The following ZNF407 variants were observed in gnomAD, a reference collection of about 807,000 sequenced individuals.
ZNF407 encodes the protein zinc finger protein 407.
ZNF407 carries 17 observed loss-of-function variants against 131.2 expected under a neutral mutation model. That is an observed-to-expected ratio of 0.13 (90% CI 0.09 to 0.19). The LOEUF is 0.19. Ranked by LOEUF, ZNF407 falls within the 10% of genes least tolerant of loss-of-function variation. The probability of loss-of-function intolerance (pLI) is 1.00; values close to 1 mark genes in which losing one functional copy is unlikely to be tolerated. For synonymous variants in ZNF407, 1,156 were observed against 1,062.0 expected (o/e 1.09, Z -1.72); for missense variants, 2,681 against 2,830.6 (o/e 0.95, Z 1.20).
At chr18:74,809,428 G>A (rs1277992187) in intron 4 of ZNF407, among the ~76,000 whole-genome samples, 1 of 152,208 alleles carries the variant, frequency 6.6e-6, no homozygotes, top group Non-Finnish European at 1.5e-5. Flanking sequence ...CTAGGAAAGT[G>A]CATAGTGAAA....
chr18:74,973,565 A>G (rs1972496239), intron 8 of ZNF407, among the ~76,000 whole-genome samples: 1 of 152,222 alleles, frequency 6.6e-6, no homozygotes, highest in Non-Finnish European at 1.5e-5. Context: ...TTTTATAATT[A>G]TTACATATGG....
Position 74,657,813 on chromosome 18 carries a change from G to A in ZNF407, c.4802+16691G>A, listed in dbSNP as rs1454683651. 2.0e-5 allele frequency among the ~76,000 whole-genome samples: 3 copies of A among 152,132 alleles called. No homozygotes were observed. In the East Asian group the frequency reaches 5.8e-4, roughly 29 times the overall value. On this transcript the variant is annotated intron_variant, in intron 3 of 8. Transcript: ENST00000299687. ...TGCTGCTGCTTGCGTGACCACGAGG[G>A]GGAGTCAGGGAGTGTCCCTGGAATT...
At chr18:74,694,297 CGT>C (rs1967300499) in intron 3 of ZNF407, among the ~76,000 whole-genome samples, 1 of 152,104 alleles carries the variant, frequency 6.6e-6, no homozygotes, top group Admixed American at 6.5e-5. Context: ...GTGACCGTTT[CGT>C]GTCTCTTCCG....
intron 8 of ZNF407, among the ~76,000 whole-genome samples, chr18:74,972,864 A>G (rs1435532113): frequency 6.6e-6 from 1 of 152,208 alleles, no homozygotes; most frequent in Non-Finnish European, 1.5e-5. Flanking sequence ...TCTGTGCAGT[A>G]TATAATTGGT....
intron 8 of ZNF407, among the ~76,000 whole-genome samples, chr18:75,053,747 G>A (rs986497875): frequency 1.3e-5 from 2 of 152,188 alleles, no homozygotes; most frequent in Non-Finnish European, 2.9e-5. Flanking sequence ...CCGCCCACTC[G>A]GTCCTGCCGT....
intron 8 of ZNF407, among the ~76,000 whole-genome samples, chr18:74,974,631 GA>G (rs953334714): frequency 1.3e-5 from 2 of 152,194 alleles, no homozygotes; most frequent in African/African-American, 4.8e-5. Flanking sequence ...TACCAATGAT[GA>G]AGTAGATTAT....
intron 8 of ZNF407, among the ~76,000 whole-genome samples, chr18:74,929,957 A>G (rs570173652): frequency 1.4e-4 from 21 of 152,206 alleles, no homozygotes; most frequent in Non-Finnish European, 2.6e-4. Context: ...CCTTCACCCA[A>G]CTTTCCCAAA....
intron 1 of ZNF407, among the ~76,000 whole-genome samples, chr18:74,630,015 A>G (rs1230245203): frequency 6.6e-6 from 1 of 152,184 alleles, no homozygotes; most frequent in African/African-American, 2.4e-5. Flanking sequence ...TTAATGATTG[A>G]CAGCTGGACT....
intron 4 of ZNF407, among the ~76,000 whole-genome samples, chr18:74,796,518 C>T (rs940162334): frequency 4.6e-5 from 7 of 152,126 alleles, no homozygotes; most frequent in African/African-American, 1.7e-4. Flanking sequence ...ATAGTAATGT[C>T]GAAGGACGCA....
chr18:74,603,533 G>A (rs1465301363), intron 1 of ZNF407, among the ~76,000 whole-genome samples: 6 of 152,308 alleles, frequency 3.9e-5, no homozygotes, highest in African/African-American at 1.4e-4. Flanking sequence ...ATGTAAGGCA[G>A]GCCACGTAAT....
At chr18:74,826,821 C>T (rs2145111445) in intron 4 of ZNF407, among the ~76,000 whole-genome samples, 1 of 152,302 alleles carries the variant, frequency 6.6e-6, no homozygotes, top group East Asian at 1.9e-4. Context: ...TCTTCTAGAG[C>T]AATTCCCCGT....
At position 74,612,048 on chromosome 18, in the gene ZNF407, C is replaced by T. The variant is rs183644803; in HGVS notation, c.-54+14111C>T. On this transcript the variant is annotated intron_variant, in intron 1 of 8. Transcript: ENST00000299687. ...CATATTCCCATAGTGAAGTCCCGTA[C>T]AGTAGTGAGATTGAGTGAATGTTAG... 1.9e-3 allele frequency among the ~76,000 whole-genome samples: 285 copies of T among 152,176 alleles called. 1 individual carries two copies. Among genetic ancestry groups the T allele is most frequent in the Admixed American group, 4.7e-3 (72 of 15,290 alleles).
At chr18:74,785,848 A>C (rs971187003) in intron 4 of ZNF407, among the ~76,000 whole-genome samples, 2 of 151,618 alleles carry the variant, frequency 1.3e-5, no homozygotes, top group African/African-American at 4.9e-5. Flanking sequence ...TGGCATGCAC[A>C]TGGCCCACAT....
chr18:74,916,388 T>G (rs1411477918), intron 7 of ZNF407, among the ~76,000 whole-genome samples: 1 of 129,450 alleles, frequency 7.7e-6, no homozygotes, highest in Non-Finnish European at 1.6e-5. Flanking sequence ...GGTGAGGTTG[T>G]GTGCAGTATT....
intron 2 of ZNF407, among the ~76,000 whole-genome samples, chr18:74,636,527 A>G (rs535437545): frequency 6.6e-6 from 1 of 152,324 alleles, no homozygotes; most frequent in Non-Finnish European, 1.5e-5. Context: ...TGAATAATAA[A>G]TTCACATTTC....
intron 8 of ZNF407, among the ~76,000 whole-genome samples, chr18:74,954,280 T>C (rs377660101): frequency 1.3e-5 from 2 of 152,340 alleles, no homozygotes; most frequent in East Asian, 3.8e-4. Flanking sequence ...TACTTCTGAG[T>C]AATTATTTTC....
intron 4 of ZNF407, among the ~76,000 whole-genome samples, chr18:74,864,310 A>G (rs919509481): frequency 1.3e-5 from 2 of 152,196 alleles, no homozygotes; most frequent in Non-Finnish European, 2.9e-5. Context: ...AATTAGAATT[A>G]TAGGGTTTTA....
chr18:75,045,143 T>A (rs768806527), intron 8 of ZNF407, among the ~76,000 whole-genome samples: 2 of 151,952 alleles, frequency 1.3e-5, no homozygotes, highest in Non-Finnish European at 2.9e-5. Flanking sequence ...GGTGTGGGTG[T>A]GCACGCATGT....
intron 3 of ZNF407, among the ~76,000 whole-genome samples, chr18:74,732,263 T>A (rs1256919267): frequency 6.6e-6 from 1 of 152,148 alleles, no homozygotes; most frequent in African/African-American, 2.4e-5. Flanking sequence ...GTCTTGTGTT[T>A]CCCAAGCTTA....
Sources: allele counts gnomAD v4.1 joint callset (sites outside exome capture counted in the v4.1 genomes callset), GRCh38; gene constraint gnomAD v4.1.1; transcripts MANE v1.5; gene names NCBI Gene and HGNC (gene_info 2026-07-23, HGNC 2026-07-21).